Variants in TNKS observed in about 807,000 individuals in gnomAD.
TNKS encodes poly [ADP-ribose] polymerase tankyrase-1.
In TNKS, 72 loss-of-function variants were observed where a neutral mutation model predicts 135.8. The observed-to-expected ratio is 0.53, with a 90% CI of 0.44 to 0.64. The LOEUF is 0.64. TNKS is among the 30% of genes least tolerant of loss of function. TNKS has a pLI of 0.00. For synonymous variants in TNKS, 849 were observed against 649.3 expected (o/e 1.31, Z -4.68); for missense variants, 1,769 against 1,674.0 (o/e 1.06, Z -0.99).
chr8:9,560,782 A>C (rs1797297985), intron 1 of TNKS, among the ~76,000 whole-genome samples: 1 of 151,920 alleles, frequency 6.6e-6, no homozygotes, highest in Admixed American at 6.6e-5. Context: ...CAGACTTAAA[A>C]TTGTTGATTA....
intron 20 of TNKS, among the ~76,000 whole-genome samples, chr8:9,753,043 C>T (rs112466993): frequency 6.6e-6 from 1 of 151,656 alleles, no homozygotes; most frequent in Non-Finnish European, 1.5e-5. Context: ...TATTCTTAAA[C>T]CCACAACACA....
At chr8:9,644,637 A>T (rs1419887448) in intron 3 of TNKS, among the ~76,000 whole-genome samples, 1 of 152,066 alleles carries the variant, frequency 6.6e-6, no homozygotes, top group Non-Finnish European at 1.5e-5. Context: ...ATTGGGTGGC[A>T]TTTCTTTTGG....
intron 17 of TNKS, among the ~76,000 whole-genome samples, chr8:9,746,276 T>A (rs973309925): frequency 2.0e-5 from 3 of 152,212 alleles, no homozygotes; most frequent in Non-Finnish European, 4.4e-5. Flanking sequence ...TATAAAAATA[T>A]ACAAGTTATT....
In TNKS at chr8:9,560,057, A is replaced by G. The variant is rs530414936; in HGVS notation, c.673+3445A>G. Among the ~76,000 whole-genome samples, 32 of 152,180 alleles carry G rather than the reference A, an allele frequency of 2.1e-4. 1 individual carries two copies. The South Asian group carries it at 6.0e-3, about 29-fold the overall frequency. ...TTTTCTTCTACAGATGTGGTCCTTGACCCTGGTTTTCTATTATTTAAAGTA... is the reference window on the plus strand; with the variant it reads ...TTTTCTTCTACAGATGTGGTCCTTGGCCCTGGTTTTCTATTATTTAAAGTA... On this transcript the variant is annotated intron_variant, in intron 1 of 26. Coordinates refer to ENST00000310430, the MANE Select transcript of TNKS (RefSeq NM_003747.3).
chr8:9,731,530 C>T (rs1000140675), intron 14 of TNKS, among the ~76,000 whole-genome samples: 9 of 151,526 alleles, frequency 5.9e-5, no homozygotes, highest in African/African-American at 2.2e-4. Flanking sequence ...TGTCAGCCCA[C>T]CTCCTGCTCA....
At chr8:9,660,054 G>C (rs1801620434) in intron 3 of TNKS, among the ~76,000 whole-genome samples, 1 of 152,126 alleles carries the variant, frequency 6.6e-6, no homozygotes, top group Admixed American at 6.5e-5. Flanking sequence ...TTGAATCTCT[G>C]AATAGACCAA....
At chr8:9,655,679 G>A (rs1801332663) in intron 3 of TNKS, among the ~76,000 whole-genome samples, 1 of 152,072 alleles carries the variant, frequency 6.6e-6, no homozygotes, top group Admixed American at 6.6e-5. Flanking sequence ...TGCAGCTGAG[G>A]GTCCTGACTG....
chr8:9,565,783 G>A (rs929510115), intron 1 of TNKS, among the ~76,000 whole-genome samples: 4 of 152,108 alleles, frequency 2.6e-5, no homozygotes, highest in East Asian at 3.9e-4. Flanking sequence ...CGTGAACCCC[G>A]GAGGCAGAGC....
chr8:9,634,249 C>T (rs1377560343), intron 3 of TNKS, among the ~76,000 whole-genome samples: 1 of 151,708 alleles, frequency 6.6e-6, no homozygotes, highest in Non-Finnish European at 1.5e-5. Context: ...TTTCTGGAGG[C>T]ATGTTAATGT....
chr8:9,748,037 C>A lies in TNKS; in HGVS notation c.2657C>A (p.Ala886Glu). 6.2e-7 allele frequency: 1 copy of A among 1,605,588 alleles called. No homozygotes were observed. The highest frequency in any genetic ancestry group is 8.5e-7 in the Non-Finnish European group (1 of 1,176,972). Reference sequence around the variant, plus strand: ...CTTTTTTTTCAGCATGTTGACATAGCGGCTTTATTGATAAAATACAACACG... The same window carrying A: ...CTTTTTTTTCAGCATGTTGACATAGAGGCTTTATTGATAAAATACAACACG... ...NAASYGHVDI[A>E]ALLIKYNTCV... The change falls in exon 18 of 27, where the codon GCG (alanine) becomes GAG (glutamate). Residue 886 changes from alanine to glutamate, a missense_variant. By Grantham distance (107) the Ala-to-Glu change is moderately radical (BLOSUM62 -1). Around this residue, in one of 5 missense-constraint regions of TNKS, gnomAD observed 722 missense variants for 688.9 expected, o/e 1.05. Transcript: ENST00000310430.
In TNKS at chr8:9,779,252, T is replaced by G. The variant is rs1054600352; in HGVS notation, c.*2516T>G. The stretch of plus-strand genomic sequence containing the variant: ...AAAAGTTAGGACAAGTTTATTACAT[T>G]TGGGATTTTCATCTGTAGCCGTATG... On this transcript the variant is annotated 3_prime_UTR_variant, in exon 27 of 27. Transcript: ENST00000310430. The G allele has an allele frequency of 2.0e-5, 3 of 152,634 alleles. No individual in the cohort carries two copies. Among genetic ancestry groups the G allele is most frequent in the African/African-American group, 7.2e-5 (3 of 41,446 alleles). 9.5% of individuals were successfully genotyped at this position (152,634 alleles called of 1,614,324 possible). A position where few individuals can be genotyped will look rare whatever the true frequency, so the allele number is the denominator to read the frequency against.
At chr8:9,741,418 A>G (rs924274625) in intron 17 of TNKS, among the ~76,000 whole-genome samples, 2 of 152,144 alleles carry the variant, frequency 1.3e-5, no homozygotes, top group African/African-American at 4.8e-5. Flanking sequence ...TACATTGTGG[A>G]TGTAAGGAAG....
chr8:9,736,192 T>A (rs1805694242), intron 17 of TNKS, among the ~76,000 whole-genome samples: 1 of 151,362 alleles, frequency 6.6e-6, no homozygotes, highest in South Asian at 2.1e-4. Context: ...GCATGGAAAG[T>A]ATGTTGGCTT....
At chr8:9,762,031 A>G (rs7813518) in intron 21 of TNKS, among the ~76,000 whole-genome samples, 14,695 of 152,240 alleles carry the variant, frequency 0.097, 903 homozygotes, top group South Asian at 0.16. Flanking sequence ...TGATTATATG[A>G]TCATATCACT....
intron 25 of TNKS, among the ~76,000 whole-genome samples, chr8:9,769,767 C>G (rs1302720007): frequency 3.3e-5 from 5 of 151,900 alleles, no homozygotes; most frequent in African/African-American, 1.2e-4. Context: ...CTACAGGCGC[C>G]CGCCACCACA....
rs1315968174 is a variant in TNKS at position 9,711,269 on chromosome 8, G to T, written c.1749+1049G>T. Among the ~76,000 whole-genome samples, 3 of 152,118 alleles carry T rather than the reference G, an allele frequency of 2.0e-5. No homozygotes were observed. In the East Asian group the frequency reaches 5.8e-4, roughly 29 times the overall value. On this transcript the variant is annotated intron_variant, in intron 11 of 26. Coordinates refer to ENST00000310430, the MANE Select transcript of TNKS (RefSeq NM_003747.3). ...AAAGATGATGCCAGCACTCTCACTA[G>T]GTCCACGTGTCAGCCATTGTGACTC...
chr8:9,751,871 T>C (rs1207765200), intron 19 of TNKS, 25 bp downstream of exon 19: 4 of 1,603,850 alleles, frequency 2.5e-6, no homozygotes, highest in Non-Finnish European at 3.4e-6. Flanking sequence ...TGAATGCTTA[T>C]TTATTTATAC....
At chr8:9,581,454 A>G (rs1056698637) in intron 2 of TNKS, among the ~76,000 whole-genome samples, 1 of 152,176 alleles carries the variant, frequency 6.6e-6, no homozygotes, top group African/African-American at 2.4e-5. Flanking sequence ...TCTCACTAAC[A>G]TAGCCACATC....
At chr8:9,674,684 G>T (rs909181051) in intron 3 of TNKS, among the ~76,000 whole-genome samples, 2 of 152,132 alleles carry the variant, frequency 1.3e-5, no homozygotes, top group African/African-American at 2.4e-5. Context: ...GTGTTGAGGG[G>T]AGTGGCTAAA....
Sources: allele counts gnomAD v4.1 joint callset (sites outside exome capture counted in the v4.1 genomes callset), GRCh38; gene constraint gnomAD v4.1.1; regional missense constraint gnomAD v4.1.1; transcripts MANE v1.5; gene names NCBI Gene and HGNC (gene_info 2026-07-23, HGNC 2026-07-21).